Variants in FYCO1 observed in about 807,000 individuals in gnomAD.
The protein encoded by FYCO1 is FYVE and coiled-coil domain-containing protein 1.
In FYCO1, 122 loss-of-function variants were observed where a neutral mutation model predicts 165.1. The observed-to-expected ratio is 0.74, with a 90% confidence interval of 0.64 to 0.86. The LOEUF (loss-of-function observed/expected upper bound fraction) is 0.86, where lower values mean the gene tolerates loss of function less well. Among genes scored for constraint, FYCO1 ranks in the 40% least tolerant of loss-of-function variants. The pLI is 0.00. For missense variants in FYCO1, 1,702 were observed against 1,810.3 expected (o/e 0.94, Z 1.09); for synonymous variants, 648 against 742.5 (o/e 0.87, Z 2.07).
chr3:45,958,258 C>T (rs765356582), intron 13 of FYCO1, 150 bp downstream of exon 13: 9 of 680,086 alleles, frequency 1.3e-5, no homozygotes, highest in Non-Finnish European at 2.3e-5. Context: ...ATGAAAGTCT[C>T]AAGTTGGTGG....
At chr3:45,972,171 C>A (rs1455345977) in intron 6 of FYCO1, among the ~76,000 whole-genome samples, 1 of 152,094 alleles carries the variant, frequency 6.6e-6, no homozygotes, top group African/African-American at 2.4e-5. Flanking sequence ...AAAAGAGTAT[C>A]TGGGCCAGGC....
chr3:45,947,505 T>G (rs1704701114), intron 14 of FYCO1: 1 of 1,611,448 alleles, frequency 6.2e-7, no homozygotes. Context: ...CATGTTCCAG[T>G]TATAGGCCTT....
chr3:45,984,818 T>C, intron 2 of FYCO1, 38 bp downstream of exon 2: 1 of 1,613,058 alleles, frequency 6.2e-7, no homozygotes, highest in Non-Finnish European at 8.5e-7. Flanking sequence ...CACAAGTCCC[T>C]CAAAACCAAA....
intron 13 of FYCO1, among the ~76,000 whole-genome samples, chr3:45,957,996 C>A (rs2125837471): frequency 6.6e-6 from 1 of 152,360 alleles, no homozygotes; most frequent in South Asian, 2.1e-4. Context: ...AGATTACATC[C>A]TCCTTGGACA....
Position 45,921,380 on chromosome 3 carries a change from C to A in FYCO1, c.*385G>T. Reference sequence around the variant, plus strand: ...CATGCAGGGCCCTGGTGGGGCAGGGCAGAAAATCTCTCCACAGGCAGAAGT... The same window carrying A: ...CATGCAGGGCCCTGGTGGGGCAGGGAAGAAAATCTCTCCACAGGCAGAAGT... On this transcript the variant is annotated 3_prime_UTR_variant, in exon 18 of 18. Coordinates refer to ENST00000296137, the MANE Select transcript of FYCO1 (RefSeq NM_024513.4). 3.0e-6 allele frequency: 1 copy of A among 331,082 alleles called. No individual in the cohort carries two copies. Among genetic ancestry groups the A allele is most frequent in the Non-Finnish European group, 5.9e-6 (1 of 169,686 alleles). The allele number at this position is 331,082 out of a possible 1,614,324, so 20.5% of individuals were successfully genotyped here.
chr3:45,991,775 T>C (rs79078894), intron 1 of FYCO1, among the ~76,000 whole-genome samples: 7,077 of 152,252 alleles, frequency 0.046, 247 homozygotes, highest in Non-Finnish European at 0.074. Flanking sequence ...GGGGGTGAAT[T>C]GTGCACACCA....
intron 3 of FYCO1, among the ~76,000 whole-genome samples, chr3:45,980,097 C>T (rs972175697): frequency 2.6e-5 from 4 of 152,134 alleles, no homozygotes; most frequent in Admixed American, 1.3e-4. Flanking sequence ...CGCTGGTAAT[C>T]CAGCACTTTG....
In FYCO1 at chr3:45,962,481, G is replaced by T; in HGVS notation, c.3270-89C>A. 8.3e-7 allele frequency: 1 copy of T among 1,200,244 alleles called. No individual in the cohort carries two copies. Among genetic ancestry groups the T allele is most frequent in the Non-Finnish European group, 1.2e-6 (1 of 803,892 alleles). 74.3% of individuals were successfully genotyped at this position (1,200,244 alleles called of 1,614,324 possible). On this transcript the variant is annotated intron_variant, in intron 10 of 17. Coordinates refer to ENST00000296137, the MANE Select transcript of FYCO1 (RefSeq NM_024513.4). This position sits in a 1 kb window ranked among gnomAD's most constrained non-coding sequence, Gnocchi z 4.4. Reference sequence around the variant, plus strand: ...CTCACCCAGGACTCTAATGAGGGGTGCTACTGCCCTCCGCCATGGGGGAGC... The same window carrying T: ...CTCACCCAGGACTCTAATGAGGGGTTCTACTGCCCTCCGCCATGGGGGAGC...
At chr3:45,990,543 AT>A (rs1305322064) in intron 1 of FYCO1, among the ~76,000 whole-genome samples, 1 of 152,140 alleles carries the variant, frequency 6.6e-6, no homozygotes, top group Non-Finnish European at 1.5e-5. Context: ...CACAATGGTA[AT>A]TTTTTGTTGA....
In FYCO1 at chr3:45,966,395, G is replaced by C. The variant is rs148054715; in HGVS notation, c.2939C>G (p.Ala980Gly). 4 of 1,613,690 alleles carry C rather than the reference G, an allele frequency of 2.5e-6. No individual in the cohort carries two copies. In the African/African-American group the frequency reaches 5.3e-5, roughly 22 times the overall value. Residue 980 changes from alanine to glycine, a missense_variant, in exon 8 of 18, where the codon GCC (alanine) becomes GGC (glycine). By Grantham distance (60) the Ala-to-Gly change is moderately conservative. Coordinates refer to ENST00000296137, the MANE Select transcript of FYCO1 (RefSeq NM_024513.4). ...CCGCTGCTCTGCCTGGGCGAGCTGG[G>C]CCTGCAGGCCAGGCAGTGAGCCGGC... ...AAAGSLPGLQ[A>G]QLAQAEQRAQ... is the part of the protein sequence containing the mutation.
intron 7 of FYCO1, 43 bp from the exon 8 acceptor site, chr3:45,968,746 C>T: frequency 6.2e-7 from 1 of 1,612,368 alleles, no homozygotes; most frequent in South Asian, 1.1e-5. Flanking sequence ...TAGGATGAAG[C>T]TACAGGGCTA....
intron 14 of FYCO1, chr3:45,947,306 C>T: frequency 1.2e-6 from 2 of 1,614,156 alleles, no homozygotes; most frequent in Non-Finnish European, 1.7e-6. Flanking sequence ...TGACAGAGGC[C>T]ATCGCATACC....
At chr3:45,961,535 G>A (rs946206212) in intron 11 of FYCO1, among the ~76,000 whole-genome samples, 8 of 151,288 alleles carry the variant, frequency 5.3e-5, no homozygotes, top group Non-Finnish European at 1.0e-4. Context: ...CCAAGATCAC[G>A]CCACTGTACT....
chr3:45,959,439 C>A lies in FYCO1; in HGVS notation c.3541G>T (p.Asp1181Tyr). Reference protein sequence around the residue: ...LGDTEANHCLDCKREFSWMVR... With the variant: ...LGDTEANHCLYCKREFSWMVR... ...ATCCAGCTGAACTCCCGCTTACAGT[C>A]GAGGCAGTGGTTTGCCTCTGTGTCT... The change falls in exon 12 of 18, where the codon GAC becomes TAC. Residue 1181 changes from aspartate to tyrosine, a missense_variant. Physicochemically the swap from Asp to Tyr is radical, Grantham distance 160. Transcript: ENST00000296137. The A allele has an allele frequency of 6.2e-7, 1 of 1,614,110 alleles. No homozygotes were observed. The highest frequency in any genetic ancestry group is 2.2e-5 in the East Asian group (1 of 44,862).
chr3:45,964,660 G>A lies in FYCO1; in HGVS notation c.3151-206C>T, dbSNP rs554661199. The A allele has an allele frequency of 5.2e-6, 3 of 580,458 alleles. No individual in the cohort carries two copies. Among genetic ancestry groups the A allele is most frequent in the South Asian group, 1.5e-4 (2 of 13,204 alleles). The allele number at this position is 580,458 out of a possible 1,614,324, so 36.0% of individuals were successfully genotyped here. A position where few individuals can be genotyped will look rare whatever the true frequency, so the allele number is the denominator to read the frequency against. On this transcript the variant is annotated intron_variant, in intron 9 of 17. Coordinates refer to ENST00000296137, the MANE Select transcript of FYCO1 (RefSeq NM_024513.4). This position sits in a 1 kb window ranked among gnomAD's most constrained non-coding sequence, Gnocchi z 4.1. ...TAGTTGTGGTGGTTGGCAAGTGGCA[G>A]GTACCAGAATTCCCAGGGTAACACT...
intron 16 of FYCO1, 72 bp downstream of exon 16, chr3:45,930,999 G>A (rs958703639): frequency 7.0e-7 from 1 of 1,426,692 alleles, no homozygotes; most frequent in Non-Finnish European, 9.8e-7. Context: ...CCACTGCCCT[G>A]CTTTGAGAAA....
At chr3:45,945,699 C>A (rs1287480974) in intron 14 of FYCO1, 1 of 152,118 alleles carries the variant, frequency 6.6e-6, no homozygotes, top group Non-Finnish European at 1.5e-5. Flanking sequence ...TGGTAGAATG[C>A]CATAAACTGT....
intron 3 of FYCO1, 80 bp downstream of exon 3, chr3:45,981,490 A>G (rs1219915388): frequency 1.1e-6 from 1 of 924,988 alleles, no homozygotes; most frequent in Non-Finnish European, 1.8e-6. Context: ...TCTGAACCAT[A>G]TCTTGAATGC....
At chr3:45,994,009 C>G (rs1006394093) in intron 1 of FYCO1, among the ~76,000 whole-genome samples, 1 of 152,208 alleles carries the variant, frequency 6.6e-6, no homozygotes, top group African/African-American at 2.4e-5. Flanking sequence ...TGGGTCAAAG[C>G]TACCAGCTGC....
Sources: gnomAD v4.1 joint callset for allele counts (sites outside exome capture counted in the v4.1 genomes callset) on GRCh38, gnomAD v4.1.1 for gene constraint, Gnocchi (gnomAD v3.1) non-coding constraint, MANE v1.5 for transcripts, NCBI Gene and HGNC (gene_info 2026-07-23, HGNC 2026-07-21) for gene names.